DNAH14: variants seen among roughly 807,000 people sequenced by gnomAD.
DNAH14 encodes dynein axonemal heavy chain 14.
DNAH14 carries 478 observed loss-of-function variants against 520.9 expected under a neutral mutation model. The ratio of observed to expected loss-of-function variants is 0.92; its 90% CI spans 0.85 to 0.99. The LOEUF is 0.99. DNAH14 is among the 50% of genes least tolerant of loss of function. DNAH14 has a pLI of 0.00. For missense variants in DNAH14, 4,831 were observed against 5,234.5 expected (o/e 0.92, Z 2.38); for synonymous variants, 1,581 against 1,757.2 (o/e 0.90, Z 2.51).
chr1:225,302,557 G>A (rs917554705), intron 56 of DNAH14, among the ~76,000 whole-genome samples: 4 of 152,182 alleles, frequency 2.6e-5, no homozygotes, highest in African/African-American at 9.6e-5. Flanking sequence ...TAAGGAAGAA[G>A]GAATCTGTGC....
At chr1:225,111,721 T>A (rs1299259393) in intron 23 of DNAH14, among the ~76,000 whole-genome samples, 2 of 152,052 alleles carry the variant, frequency 1.3e-5, no homozygotes. Context: ...TTTCCTTCCC[T>A]CCTGTCTTCT....
chr1:225,058,528 C>A (rs2069505205), intron 17 of DNAH14, among the ~76,000 whole-genome samples: 3 of 152,114 alleles, frequency 2.0e-5, no homozygotes, highest in Admixed American at 6.5e-5. Flanking sequence ...GTCTCTATGT[C>A]CTTCATTTCT....
rs1311144130 is a variant in DNAH14, at chr1:225,290,645, GTGTATATATATATA to G, written c.8469+565_8469+578del. Among the ~76,000 whole-genome samples the G allele has an allele frequency of 1.6e-3, 63 of 40,582 alleles. 3 individuals carry two copies. Among genetic ancestry groups the G allele is most frequent in the Admixed American group, 4.8e-3 (13 of 2,716 alleles). The allele number at this position is 40,582 out of a possible 152,430, so 26.6% of individuals were successfully genotyped here. A position where few individuals can be genotyped will look rare whatever the true frequency, so the allele number is the denominator to read the frequency against. On this transcript the variant is annotated intron_variant, in intron 55 of 85. Transcript: ENST00000682510. ...TGTATAGATATATGTGTGTGTGTGT[GTGTATATATATATA>G]TATATATATATATATATATATATAT...
intron 11 of DNAH14, among the ~76,000 whole-genome samples, chr1:225,026,933 C>A (rs973667268): frequency 1.1e-4 from 17 of 151,076 alleles, no homozygotes; most frequent in Admixed American, 1.1e-3. Flanking sequence ...TAATTTCTTT[C>A]AATATTTTGT....
chr1:225,061,413 A>AC (rs910304435), intron 17 of DNAH14, among the ~76,000 whole-genome samples: 15 of 152,170 alleles, frequency 9.9e-5, no homozygotes, highest in African/African-American at 3.6e-4. Flanking sequence ...GCCGTGTGTC[A>AC]CCCCTTTCTT....
chr1:225,047,098 C>T (rs2456350), intron 15 of DNAH14, among the ~76,000 whole-genome samples: 129,575 of 152,160 alleles, frequency 0.85, 58,746 homozygotes, highest in Non-Finnish European at 1. Context: ...TCCTGGCCTA[C>T]CAGAGAAAAT....
At chr1:225,299,231 C>A (rs931841287) in intron 55 of DNAH14, among the ~76,000 whole-genome samples, 2 of 152,186 alleles carry the variant, frequency 1.3e-5, no homozygotes, top group Admixed American at 1.3e-4. Context: ...TATACTCTTC[C>A]ATGTCCAAGA....
In DNAH14 at chr1:225,085,757, A is replaced by G; in HGVS notation, c.3541A>G (p.Ile1181Val). ...LEESQVILAT[I>V]KGSPHIGPIK... ...AGAGTCTCAAGTCATACTTGCAACA[A>G]TTAAAGGATCTCCCCACATTGGGCC... Residue 1181 changes from isoleucine to valine, a missense_variant, in exon 21 of 86, where the codon ATT (isoleucine) becomes GTT (valine). Ile to Val is a conservative substitution (Grantham distance 29). Coordinates refer to ENST00000682510, the MANE Select transcript of DNAH14 (RefSeq NM_001367479.1). 6.4e-7 allele frequency: 1 copy of G among 1,550,976 alleles called. No homozygotes were observed. The highest frequency in any genetic ancestry group is 8.7e-7 in the Non-Finnish European group (1 of 1,146,716).
At chr1:225,018,694 A>G (rs1469072006) in intron 10 of DNAH14, among the ~76,000 whole-genome samples, 2 of 152,240 alleles carry the variant, frequency 1.3e-5, no homozygotes, top group Non-Finnish European at 2.9e-5. Context: ...TCTGGCTAAC[A>G]GCAGTCCTTT....
At chr1:225,280,417 G>A (rs1276230661) in intron 54 of DNAH14, among the ~76,000 whole-genome samples, 1 of 152,034 alleles carries the variant, frequency 6.6e-6, no homozygotes, top group East Asian at 1.9e-4. Flanking sequence ...GGCTAACATG[G>A]TGAAACCCCA....
intron 76 of DNAH14, among the ~76,000 whole-genome samples, chr1:225,366,626 T>C (rs1446757968): frequency 1.3e-5 from 2 of 152,166 alleles, no homozygotes; most frequent in Non-Finnish European, 2.9e-5. Flanking sequence ...AAGGCAGACA[T>C]GCCTTGGAAA....
In DNAH14 at chr1:225,392,330, G is replaced by A. The variant is rs760286141; in HGVS notation, c.13370G>A (p.Arg4457Gln). 1.9e-4 allele frequency: 291 copies of A among 1,552,258 alleles called. No individual in the cohort carries two copies. The highest frequency in any genetic ancestry group is 2.4e-4 in the Non-Finnish European group (277 of 1,147,162). Residue 4457 changes from arginine to glutamine, a missense_variant, in exon 84 of 86, where the codon CGA (arginine) becomes CAA (glutamine). Transcript: ENST00000682510. ...GTGCTTCAAGACTATGGGAGGTCCCGAGGAATCGCTGTGGATGCCCTCACC... is the reference window on the plus strand; with the variant it reads ...GTGCTTCAAGACTATGGGAGGTCCCAAGGAATCGCTGTGGATGCCCTCACC... ...AAVLQDYGRS[R>Q]GIAVDALTFT... is the part of the protein sequence containing the mutation.
chr1:225,271,309 C>T (rs996702115), intron 50 of DNAH14, among the ~76,000 whole-genome samples: 3 of 151,888 alleles, frequency 2.0e-5, no homozygotes, highest in African/African-American at 7.3e-5. Flanking sequence ...TTTTCAGGTG[C>T]GAACTATTTA....
intron 27 of DNAH14, among the ~76,000 whole-genome samples, chr1:225,135,583 A>G (rs1216875664): frequency 6.6e-6 from 1 of 152,020 alleles, no homozygotes; most frequent in Non-Finnish European, 1.5e-5. Context: ...ATGTGATCCT[A>G]TTATGTGACC....
At chr1:225,311,978 G>GA (rs34655753) in intron 60 of DNAH14, among the ~76,000 whole-genome samples, 3 of 151,772 alleles carry the variant, frequency 2.0e-5, no homozygotes, top group African/African-American at 4.8e-5. Context: ...CTAATTCTGT[G>GA]AAAAAAAGTC....
Position 224,929,675 on chromosome 1 carries a change from G to C in DNAH14, c.-194G>C. 1.4e-6 allele frequency: 1 copy of C among 702,468 alleles called. No individual in the cohort carries two copies. Among genetic ancestry groups the C allele is most frequent in the South Asian group, 1.5e-5 (1 of 67,600 alleles). 43.5% of individuals were successfully genotyped at this position (702,468 alleles called of 1,614,324 possible). Reference sequence around the variant, plus strand: ...CGCCAGGGCGCAGGCGTGGCTCTTGGTCAGGCGGTTACGGCCAGGAGGCGT... The same window carrying C: ...CGCCAGGGCGCAGGCGTGGCTCTTGCTCAGGCGGTTACGGCCAGGAGGCGT... On this transcript the variant is annotated 5_prime_UTR_variant, in exon 1 of 86. Transcript: ENST00000682510.
chr1:225,120,643 C>G (rs1010476140), intron 26 of DNAH14, among the ~76,000 whole-genome samples: 1 of 152,192 alleles, frequency 6.6e-6, no homozygotes, highest in Admixed American at 6.5e-5. Flanking sequence ...TTAGTTGCGT[C>G]TGATCTCTTT....
chr1:225,031,924 T>G (rs1229337399), intron 11 of DNAH14, among the ~76,000 whole-genome samples: 2 of 152,070 alleles, frequency 1.3e-5, no homozygotes, highest in African/African-American at 4.8e-5. Context: ...CAATCTAGTA[T>G]TTCTTTCAGT....
intron 28 of DNAH14, among the ~76,000 whole-genome samples, chr1:225,142,988 TTCATTTG>T (rs2149036953): frequency 6.6e-6 from 1 of 152,208 alleles, no homozygotes; most frequent in Non-Finnish European, 1.5e-5. Context: ...TTTCTTTCAA[TTCATTTG>T]TGTACCTTGT....
Sources: gnomAD v4.1 joint callset for allele counts (sites outside exome capture counted in the v4.1 genomes callset) on GRCh38, gnomAD v4.1.1 for gene constraint, MANE v1.5 for transcripts, NCBI Gene and HGNC (gene_info 2026-07-23, HGNC 2026-07-21) for gene names.